Variants in UBR1 observed in about 807,000 individuals in gnomAD.
UBR1 encodes ubiquitin protein ligase E3 component n-recognin 1, also known as E3 ubiquitin-protein ligase UBR1.
UBR1 carries 102 observed loss-of-function variants against 242.1 expected under a neutral mutation model. That is an observed-to-expected ratio of 0.42 (90% CI 0.36 to 0.50). The LOEUF is 0.50. Among genes scored for constraint, UBR1 ranks in the 20% least tolerant of loss-of-function variants. The pLI, the probability that UBR1 is intolerant of heterozygous loss-of-function variation, is 0.01. For missense variants in UBR1, 1,772 were observed against 2,101.8 expected (o/e 0.84, Z 3.07); for synonymous variants, 675 against 684.8 (o/e 0.99, Z 0.22).
chr15:43,032,265 T>C (rs1329700109), intron 20 of UBR1, among the ~76,000 whole-genome samples: 1 of 152,208 alleles, frequency 6.6e-6, no homozygotes, highest in African/African-American at 2.4e-5. Flanking sequence ...TAAGTAACCT[T>C]AACAAAGCTA....
intron 34 of UBR1, 74 bp from the exon 35 acceptor site, chr15:42,989,041 A>G (rs1265115688): frequency 3.9e-6 from 5 of 1,277,648 alleles, no homozygotes; most frequent in African/African-American, 1.5e-5. Flanking sequence ...TTAAGTCCTG[A>G]AGCAACAGAA....
At chr15:43,035,085 A>G (rs766876948) in intron 19 of UBR1, among the ~76,000 whole-genome samples, 2 of 152,174 alleles carry the variant, frequency 1.3e-5, no homozygotes. Context: ...GCAATCCTAT[A>G]TAGTTATTAA....
chr15:42,987,741 G>A (rs1425490664), intron 35 of UBR1, among the ~76,000 whole-genome samples: 2 of 149,416 alleles, frequency 1.3e-5, no homozygotes, highest in Non-Finnish European at 1.5e-5. Context: ...AAAAAATATG[G>A]CTTCATGCTA....
intron 19 of UBR1, among the ~76,000 whole-genome samples, chr15:43,034,422 A>C (rs1016522534): frequency 3.2e-4 from 48 of 152,068 alleles, no homozygotes; most frequent in Non-Finnish European, 2.9e-4. Context: ...CCTGGGCGAC[A>C]GAGTGAGACT....
chr15:43,018,296 C>T (rs2033058052), intron 27 of UBR1, among the ~76,000 whole-genome samples: 1 of 152,188 alleles, frequency 6.6e-6, no homozygotes, highest in South Asian at 2.1e-4. Flanking sequence ...CCATCGCGCC[C>T]AGCTATCCTC....
intron 5 of UBR1, among the ~76,000 whole-genome samples, chr15:43,070,201 A>T (rs1381761128): frequency 6.8e-6 from 1 of 148,058 alleles, no homozygotes; most frequent in African/African-American, 2.5e-5. Flanking sequence ...AGCAAATATT[A>T]CTGTCACTGA....
chr15:43,000,648 C>G (rs944671412), intron 32 of UBR1, among the ~76,000 whole-genome samples: 9 of 152,144 alleles, frequency 5.9e-5, no homozygotes, highest in Non-Finnish European at 1.0e-4. Flanking sequence ...ATAACAGTAC[C>G]TACTTCAATG....
At chr15:43,047,689 G>A (rs2033502931) in intron 13 of UBR1, among the ~76,000 whole-genome samples, 1 of 152,154 alleles carries the variant, frequency 6.6e-6, no homozygotes, top group Non-Finnish European at 1.5e-5. Context: ...ATGAAAACAA[G>A]CACCTTAACC....
At chr15:43,033,869 C>T (rs1176648860) in intron 19 of UBR1, among the ~76,000 whole-genome samples, 1 of 152,016 alleles carries the variant, frequency 6.6e-6, no homozygotes, top group Non-Finnish European at 1.5e-5. Context: ...TTTGAGAGGC[C>T]AGGGCAGGCA....
chr15:42,951,434 G>A (rs2031831470), intron 45 of UBR1, among the ~76,000 whole-genome samples: 2 of 152,182 alleles, frequency 1.3e-5, no homozygotes, highest in Admixed American at 6.5e-5. Context: ...ACGTTGGCCA[G>A]GCTGGTCTTG....
intron 14 of UBR1, among the ~76,000 whole-genome samples, chr15:43,045,192 C>T (rs1021693010): frequency 3.9e-5 from 6 of 152,112 alleles, no homozygotes; most frequent in Non-Finnish European, 7.3e-5. Flanking sequence ...GGTGTGGTGG[C>T]TCATGCCTAT....
chr15:43,017,470 T>A (rs77619714), intron 27 of UBR1, among the ~76,000 whole-genome samples: 1 of 152,268 alleles, frequency 6.6e-6, no homozygotes, highest in East Asian at 1.9e-4. Context: ...AAAATTTTTT[T>A]AATTTGAAAT....
intron 29 of UBR1, among the ~76,000 whole-genome samples, chr15:43,009,284 G>A (rs1007225092): frequency 6.6e-5 from 10 of 152,340 alleles, no homozygotes; most frequent in South Asian, 2.1e-4. Flanking sequence ...TCCCTGCAGC[G>A]GAACCTGCTG....
At chr15:43,014,844 C>T (rs1470119175) in intron 29 of UBR1, among the ~76,000 whole-genome samples, 1 of 146,140 alleles carries the variant, frequency 6.8e-6, no homozygotes, top group African/African-American at 2.6e-5. Flanking sequence ...TGGGGGTCAG[C>T]CCCCGCCCGG....
chr15:42,960,827 GGC>G, intron 42 of UBR1, 126 bp from the exon 43 acceptor site: 2 of 963,254 alleles, frequency 2.1e-6, no homozygotes, highest in Non-Finnish European at 3.2e-6. Flanking sequence ...GGAGTACAGT[GGC>G]AGCAATCTCG....
chr15:43,045,926 C>G (rs922347674), intron 14 of UBR1, among the ~76,000 whole-genome samples: 1 of 152,134 alleles, frequency 6.6e-6, no homozygotes, highest in African/African-American at 2.4e-5. Flanking sequence ...TTAAAGTACT[C>G]AAGAAAATAC....
intron 29 of UBR1, among the ~76,000 whole-genome samples, chr15:43,007,831 C>A (rs879827515): frequency 1.3e-5 from 2 of 152,154 alleles, no homozygotes; most frequent in African/African-American, 4.8e-5. Context: ...GGTTGCACAG[C>A]TCTTACTGTA....
intron 27 of UBR1, among the ~76,000 whole-genome samples, chr15:43,019,591 T>C (rs2033076979): frequency 6.7e-6 from 1 of 150,092 alleles, no homozygotes; most frequent in East Asian, 1.9e-4. Flanking sequence ...GTTTTTTTTT[T>C]TTTTTTTTTG....
At chr15:43,028,043 G>C (rs915324752) in intron 21 of UBR1, among the ~76,000 whole-genome samples, 15 of 152,144 alleles carry the variant, frequency 9.9e-5, no homozygotes, top group African/African-American at 3.4e-4. Context: ...AACTGTTTAA[G>C]AAAGGTTATC....
Sources: allele counts gnomAD v4.1 joint callset (sites outside exome capture counted in the v4.1 genomes callset), GRCh38; gene constraint gnomAD v4.1.1; transcripts MANE v1.5; gene names NCBI Gene and HGNC (gene_info 2026-07-23, HGNC 2026-07-21).